The following ICA1 variants were observed in gnomAD, a reference collection of about 807,000 sequenced individuals.
ICA1 encodes islet cell autoantigen 1, also known as 69 kDa islet cell autoantigen.
A neutral mutation model predicts 71.0 loss-of-function variants in ICA1; 40 were observed. The ratio of observed to expected loss-of-function variants is 0.56; its 90% CI spans 0.44 to 0.73. The LOEUF is 0.73. ICA1 is among the 30% of genes least tolerant of loss of function. The pLI is 0.00. For missense variants in ICA1, 578 were observed against 576.5 expected, an observed-to-expected ratio of 1.00 and a Z score of -0.03; for synonymous variants, 207 against 209.5, an observed-to-expected ratio of 0.99 and a Z score of 0.10.
At chr7:8,258,575 A>G (rs1161763268) in intron 1 of ICA1, among the ~76,000 whole-genome samples, 1 of 152,194 alleles carries the variant, frequency 6.6e-6, no homozygotes, top group Non-Finnish European at 1.5e-5. Flanking sequence ...ATAATGATTT[A>G]TATTCATTTC....
intron 12 of ICA1, among the ~76,000 whole-genome samples, chr7:8,128,737 G>C (rs1562553545): frequency 2.6e-5 from 4 of 152,210 alleles, no homozygotes; most frequent in Non-Finnish European, 5.9e-5. Flanking sequence ...AGTGGGTCTG[G>C]TTTGCCTAAG....
rs117616091 is a variant in ICA1 at position 8,135,402 on chromosome 7, A to T, written c.1060+3438T>A. On this transcript the variant is annotated intron_variant, in intron 12 of 13. Transcript: ENST00000402384. ...GGCTACAGGATGATCAGCTAAGAACAGTATTTGGTTAAAAAAAAAAATGTA... is the reference window on the plus strand; with the variant it reads ...GGCTACAGGATGATCAGCTAAGAACTGTATTTGGTTAAAAAAAAAAATGTA... Among the ~76,000 whole-genome samples, 505 of 152,250 alleles carry T rather than the reference A, an allele frequency of 3.3e-3. 1 individual carries two copies. The highest frequency in any genetic ancestry group is 6.8e-3 in the Middle Eastern group (2 of 294).
chr7:8,151,879 G>A (rs1252513165), intron 8 of ICA1, among the ~76,000 whole-genome samples: 3 of 152,224 alleles, frequency 2.0e-5, no homozygotes, highest in African/African-American at 7.2e-5. Flanking sequence ...GAGAAAGGAG[G>A]AGACATGGGT....
rs1179353818 is a variant in ICA1 at position 8,226,204 on chromosome 7, C to T, written c.256+2397G>A. Among the ~76,000 whole-genome samples the T allele has an allele frequency of 6.6e-6, 1 of 152,152 alleles. No homozygotes were observed. Among genetic ancestry groups the T allele is most frequent in the African/African-American group, 2.4e-5 (1 of 41,434 alleles). On this transcript the variant is annotated intron_variant, in intron 4 of 13. Transcript: ENST00000402384. This position sits in a 1 kb window ranked among gnomAD's most constrained non-coding sequence, Gnocchi z 4.4. ...ATGGGAAGGTATCTCATAGCTCCCT[C>T]TTCACCTTTGCTCCTCCATTCTCAT... is the stretch of plus-strand genomic sequence containing the variant.
chr7:8,152,704 C>CCACCAT (rs1220276576), intron 8 of ICA1, among the ~76,000 whole-genome samples: 7 of 143,638 alleles, frequency 4.9e-5, no homozygotes, highest in Non-Finnish European at 1.1e-4. Context: ...CCCACCACTA[C>CCACCAT]CACCATCACC....
chr7:8,180,890 C>T (rs996593857), intron 6 of ICA1, among the ~76,000 whole-genome samples: 3 of 151,332 alleles, frequency 2.0e-5, no homozygotes, highest in African/African-American at 4.9e-5. Flanking sequence ...ATACAAGTCC[C>T]TTGTTGGATA....
intron 6 of ICA1, among the ~76,000 whole-genome samples, chr7:8,178,093 C>A (rs530274285): frequency 6.6e-6 from 1 of 152,316 alleles, no homozygotes; most frequent in South Asian, 2.1e-4. Flanking sequence ...AAACTATCTA[C>A]AATCTTCCAG....
At chr7:8,207,487 C>T (rs1792003282) in intron 6 of ICA1, among the ~76,000 whole-genome samples, 1 of 152,170 alleles carries the variant, frequency 6.6e-6, no homozygotes, top group African/African-American at 2.4e-5. Context: ...GATTTCTTCA[C>T]TTGGGATAAT....
intron 9 of ICA1, chr7:8,142,085 A>G: frequency 8.9e-7 from 1 of 1,125,224 alleles, no homozygotes; most frequent in Non-Finnish European, 1.2e-6. Context: ...TAAATAAGAT[A>G]GACGCATACA....
chr7:8,120,620 T>C (rs1584170852), intron 13 of ICA1, among the ~76,000 whole-genome samples: 2 of 152,072 alleles, frequency 1.3e-5, no homozygotes, highest in Non-Finnish European at 2.9e-5. Flanking sequence ...AGAGGGGTGG[T>C]GACGAGTGAG....
intron 1 of ICA1, among the ~76,000 whole-genome samples, chr7:8,242,668 C>G (rs1465878858): frequency 6.6e-6 from 1 of 151,966 alleles, no homozygotes; most frequent in East Asian, 1.9e-4. Context: ...AGATCACTAG[C>G]AAGACTAATA....
chr7:8,141,995 T>C (rs774816535), intron 9 of ICA1, 178 bp from the exon 10 acceptor site: 3 of 1,499,170 alleles, frequency 2.0e-6, no homozygotes, highest in Non-Finnish European at 2.7e-6. Flanking sequence ...CTTCTTTCCC[T>C]TTCTGTAGCA....
At chr7:8,189,773 G>A (rs1313054589) in intron 6 of ICA1, among the ~76,000 whole-genome samples, 1 of 151,572 alleles carries the variant, frequency 6.6e-6, no homozygotes, top group Non-Finnish European at 1.5e-5. Context: ...GTGTGGGGAG[G>A]GGGCTGGGCA....
chr7:8,229,327 T>A (rs7805057), intron 3 of ICA1, among the ~76,000 whole-genome samples: 20,926 of 152,204 alleles, frequency 0.14, 3,518 homozygotes, highest in African/African-American at 0.4. Flanking sequence ...AACTGGGGGA[T>A]AGGCAGATGG....
chr7:8,159,008 T>G (rs925600886), intron 6 of ICA1, among the ~76,000 whole-genome samples: 1 of 152,224 alleles, frequency 6.6e-6, no homozygotes, highest in Non-Finnish European at 1.5e-5. Flanking sequence ...CTACAGTCTT[T>G]AGAAGCTGAG....
intron 3 of ICA1, among the ~76,000 whole-genome samples, chr7:8,229,729 G>C (rs752060592): frequency 1.3e-5 from 2 of 152,172 alleles, no homozygotes; most frequent in Admixed American, 6.5e-5. Flanking sequence ...TTCTAGGAAT[G>C]CTTCATATAA....
chr7:8,142,992 A>T (rs1795733287), intron 9 of ICA1, among the ~76,000 whole-genome samples: 1 of 152,360 alleles, frequency 6.6e-6, no homozygotes, highest in African/African-American at 2.4e-5. Context: ...CAAAAAATAT[A>T]TCTGAAAGTC....
chr7:8,184,095 C>A (rs1357403936), intron 6 of ICA1, among the ~76,000 whole-genome samples: 1 of 152,222 alleles, frequency 6.6e-6, no homozygotes, highest in Non-Finnish European at 1.5e-5. Flanking sequence ...TTGCTAGCAT[C>A]TTCTGCATAC....
intron 6 of ICA1, among the ~76,000 whole-genome samples, chr7:8,211,787 T>C (rs1363753903): frequency 6.6e-6 from 1 of 152,154 alleles, no homozygotes; most frequent in Non-Finnish European, 1.5e-5. Flanking sequence ...AGCAAACTGT[T>C]TTCTATAAAG....
Sources: gnomAD v4.1 joint callset for allele counts (sites outside exome capture counted in the v4.1 genomes callset) on GRCh38, gnomAD v4.1.1 for gene constraint, Gnocchi (gnomAD v3.1) non-coding constraint, MANE v1.5 for transcripts, NCBI Gene and HGNC (gene_info 2026-07-23, HGNC 2026-07-21) for gene names.